The following DGKI variants were observed in gnomAD, a reference collection of about 807,000 sequenced individuals.
DGKI encodes DAG kinase iota.
DGKI carries 55 observed loss-of-function variants against 147.5 expected under a neutral mutation model. That is an observed-to-expected ratio of 0.37 (90% CI 0.30 to 0.47). The LOEUF is 0.47. Ranked by LOEUF, DGKI falls within the 20% of genes least tolerant of loss-of-function variation. The pLI, the probability that DGKI is intolerant of heterozygous loss-of-function variation, is 1.00. For missense variants in DGKI, 1,007 were observed against 1,323.8 expected (o/e 0.76, Z 3.71); for synonymous variants, 469 against 477.1 (o/e 0.98, Z 0.22).
chr7:137,481,250 T>C (rs1815361898), intron 23 of DGKI, among the ~76,000 whole-genome samples: 1 of 152,162 alleles, frequency 6.6e-6, no homozygotes, highest in Non-Finnish European at 1.5e-5. Flanking sequence ...ATCACTAGAA[T>C]GGCACATCTG....
At chr7:137,402,853 AG>A (rs1241701066) in intron 30 of DGKI, among the ~76,000 whole-genome samples, 1 of 152,118 alleles carries the variant, frequency 6.6e-6, no homozygotes, top group Non-Finnish European at 1.5e-5. Context: ...AGGCAGAAAA[AG>A]GGGGGTTAAA....
intron 23 of DGKI, among the ~76,000 whole-genome samples, chr7:137,475,794 A>G (rs1353263778): frequency 6.6e-6 from 1 of 152,130 alleles, no homozygotes. Context: ...TCTTTTCCCA[A>G]TGGATGACTA....
chr7:137,438,338 A>T (rs1339198915), intron 28 of DGKI, among the ~76,000 whole-genome samples: 2 of 146,790 alleles, frequency 1.4e-5, no homozygotes, highest in East Asian at 1.9e-4. Context: ...GTTTGATCTC[A>T]TGTGTAATCA....
At chr7:137,433,195 T>A (rs2128912322) in intron 28 of DGKI, among the ~76,000 whole-genome samples, 1 of 152,308 alleles carries the variant, frequency 6.6e-6, no homozygotes, top group East Asian at 1.9e-4. Context: ...CAGCTATAAT[T>A]GACAGGTTGG....
chr7:137,491,107 G>C (rs1242428810), intron 21 of DGKI, among the ~76,000 whole-genome samples: 1 of 152,016 alleles, frequency 6.6e-6, no homozygotes, highest in African/African-American at 2.4e-5. Context: ...ACCACTAGTG[G>C]GTATAGACAT....
At chr7:137,790,184 C>T (rs937592228) in intron 1 of DGKI, among the ~76,000 whole-genome samples, 8 of 151,384 alleles carry the variant, frequency 5.3e-5, no homozygotes, top group African/African-American at 1.9e-4. Context: ...CCATAGTTTG[C>T]CGACTCTTTA....
Position 137,649,034 on chromosome 7 carries a change from T to C in DGKI, c.739-3497A>G, listed in dbSNP as rs375620130. ...CAAACTACAGCTCTGCGATTTGAGA[T>C]GTCCAGCATCCTTCTGTTCAGAGTT... On this transcript the variant is annotated intron_variant, in intron 5 of 32. Transcript: ENST00000614521. 1.8e-4 allele frequency among the ~76,000 whole-genome samples: 28 copies of C among 152,280 alleles called. 1 individual carries two copies. In the South Asian group the frequency reaches 5.0e-3, roughly 27 times the overall value.
At chr7:137,613,233 C>T (rs556062862) in intron 8 of DGKI, among the ~76,000 whole-genome samples, 3 of 152,102 alleles carry the variant, frequency 2.0e-5, no homozygotes, top group African/African-American at 7.2e-5. Flanking sequence ...AAGTCTCCCC[C>T]CCATCATATA....
chr7:137,452,920 T>A (rs1261566598), intron 27 of DGKI: 1 of 152,236 alleles, frequency 6.6e-6, no homozygotes, highest in Non-Finnish European at 1.5e-5. Flanking sequence ...TCATGCCTGG[T>A]CAGCATTCCC....
intron 1 of DGKI, among the ~76,000 whole-genome samples, chr7:137,826,134 G>A (rs1010857268): frequency 4.6e-5 from 7 of 152,170 alleles, no homozygotes; most frequent in African/African-American, 1.7e-4. Context: ...ATCACTCTGG[G>A]TGGCCTTAAA....
chr7:137,631,986 C>A (rs766113523), intron 6 of DGKI, among the ~76,000 whole-genome samples: 1 of 152,114 alleles, frequency 6.6e-6, no homozygotes, highest in Non-Finnish European at 1.5e-5. Flanking sequence ...GTAGGTTAGA[C>A]CTGATGCTAG....
At chr7:137,504,511 T>C (rs927723775) in intron 21 of DGKI, among the ~76,000 whole-genome samples, 1 of 152,106 alleles carries the variant, frequency 6.6e-6, no homozygotes, top group Admixed American at 6.6e-5. Context: ...GAACAATAAA[T>C]ATAATCACAG....
chr7:137,825,408 G>A (rs1798025255), intron 1 of DGKI, among the ~76,000 whole-genome samples: 1 of 152,104 alleles, frequency 6.6e-6, no homozygotes, highest in South Asian at 2.1e-4. Context: ...GGTGGTGACA[G>A]CAATATCTTG....
At chr7:137,708,448 C>T (rs1482280192) in intron 1 of DGKI, among the ~76,000 whole-genome samples, 1 of 152,208 alleles carries the variant, frequency 6.6e-6, no homozygotes, top group African/African-American at 2.4e-5. Context: ...CTGGCCTTAA[C>T]CACTGGCAGC....
intron 12 of DGKI, among the ~76,000 whole-genome samples, chr7:137,588,226 A>T (rs1044257787): frequency 4.6e-5 from 7 of 152,186 alleles, no homozygotes; most frequent in Admixed American, 2.6e-4. Flanking sequence ...GTTCTGATAA[A>T]TCAGCTTTAC....
intron 3 of DGKI, among the ~76,000 whole-genome samples, chr7:137,669,706 A>G (rs753855418): frequency 6.6e-6 from 1 of 152,222 alleles, no homozygotes; most frequent in African/African-American, 2.4e-5. Flanking sequence ...TGGCTTAATG[A>G]AAGTTTAGTA....
chr7:137,497,266 G>A lies in DGKI; in HGVS notation c.2249-9577C>T, dbSNP rs141588443. 6.6e-5 allele frequency among the ~76,000 whole-genome samples: 10 copies of A among 152,168 alleles called. No individual in the cohort carries two copies. The East Asian group carries it at 1.2e-3, about 18-fold the overall frequency. ...GATGCCATCTCACACCAGTCAAATC[G>A]CTATTATTAAAAAGTCAAAACATGA... is the stretch of plus-strand genomic sequence containing the variant. On this transcript the variant is annotated intron_variant, in intron 21 of 32. Transcript: ENST00000614521.
chr7:137,419,879 T>G (rs146463682), intron 28 of DGKI, among the ~76,000 whole-genome samples: 2 of 152,368 alleles, frequency 1.3e-5, no homozygotes, highest in Admixed American at 1.3e-4. Context: ...GATTTAAGAT[T>G]ATTCTTCTAA....
At chr7:137,455,230 G>A (rs1814143614) in intron 27 of DGKI, among the ~76,000 whole-genome samples, 1 of 152,024 alleles carries the variant, frequency 6.6e-6, no homozygotes, top group African/African-American at 2.4e-5. Context: ...CTCAGGAGAG[G>A]GTGGGAACAG....
Sources: allele counts gnomAD v4.1 joint callset (sites outside exome capture counted in the v4.1 genomes callset), GRCh38; gene constraint gnomAD v4.1.1; transcripts MANE v1.5; gene names NCBI Gene and HGNC (gene_info 2026-07-23, HGNC 2026-07-21).